NDUFAF2: variants seen among roughly 807,000 people sequenced by gnomAD.
NDUFAF2 encodes the protein NADH:ubiquinone oxidoreductase complex assembly factor 2, also known as NADH dehydrogenase [ubiquinone] 1 alpha subcomplex assembly factor 2.
A neutral mutation model predicts 22.8 loss-of-function variants in NDUFAF2; 13 were observed. That is an observed-to-expected ratio of 0.57 (90% CI 0.37 to 0.91). The LOEUF (loss-of-function observed/expected upper bound fraction) is 0.91. NDUFAF2 is among the 40% of genes least tolerant of loss of function. The pLI is 0.01. For missense variants in NDUFAF2, 162 were observed against 195.2 expected, an observed-to-expected ratio of 0.83 and a Z score of 1.01; for synonymous variants, 53 against 64.2, an observed-to-expected ratio of 0.83 and a Z score of 0.84.
At chr5:61,040,286 A>ACG (rs1323303366) in intron 1 of NDUFAF2, among the ~76,000 whole-genome samples, 314 of 93,068 alleles carry the variant, frequency 3.4e-3, no homozygotes, top group East Asian at 0.018. Context: ...ACACACACAC[A>ACG]CGCGCGCGCG....
intron 1 of NDUFAF2, among the ~76,000 whole-genome samples, chr5:61,019,620 C>T (rs1411766154): frequency 6.6e-6 from 1 of 151,948 alleles, no homozygotes; most frequent in Non-Finnish European, 1.5e-5. Flanking sequence ...AGCTAAAAAA[C>T]CCTCCTGCTA....
At chr5:60,994,512 C>T (rs542734824) in intron 1 of NDUFAF2, among the ~76,000 whole-genome samples, 2 of 152,342 alleles carry the variant, frequency 1.3e-5, no homozygotes, top group Non-Finnish European at 1.5e-5. Context: ...GGCCGTGCTT[C>T]CCTGCTGTGG....
chr5:60,949,884 G>A (rs1750520137), intron 1 of NDUFAF2, among the ~76,000 whole-genome samples: 1 of 152,014 alleles, frequency 6.6e-6, no homozygotes, highest in African/African-American at 2.4e-5. Context: ...CTAATTCTTT[G>A]TTACTATTAT....
chr5:61,068,418 G>A (rs1752256309), intron 1 of NDUFAF2, among the ~76,000 whole-genome samples: 1 of 151,990 alleles, frequency 6.6e-6, no homozygotes, highest in African/African-American at 2.4e-5. Flanking sequence ...TCCTTTTTAA[G>A]TTATGCAACA....
Position 60,968,926 on chromosome 5 carries a change from A to C in NDUFAF2, c.127+23544A>C, listed in dbSNP as rs187019220. 1.6e-3 allele frequency among the ~76,000 whole-genome samples: 236 copies of C among 151,942 alleles called. 1 individual carries two copies. Among genetic ancestry groups the C allele is most frequent in the African/African-American group, 5.5e-3 (229 of 41,484 alleles). On this transcript the variant is annotated intron_variant, in intron 1 of 3. Transcript: ENST00000296597. ...CTATCTTCATGAATTCAGTTGTTTT[A>C]ATTTTTAGCTTCCACAAATAAGTGA...
rs35877702 is a variant in NDUFAF2 at position 61,020,993 on chromosome 5, C to CTTTTT, written c.128-52117_128-52113dup. 9.4e-5 allele frequency among the ~76,000 whole-genome samples: 11 copies of CTTTTT among 116,616 alleles called. No individual in the cohort carries two copies. In the East Asian group the frequency reaches 1.5e-3, roughly 16 times the overall value. The allele number at this position is 116,616 out of a possible 152,430, so 76.5% of individuals were successfully genotyped here. On this transcript the variant is annotated intron_variant, in intron 1 of 3. Transcript: ENST00000296597. ...ACAGGCATGAGCCACTGCGTCCAGC[C>CTTTTT]TTTTTTTTTTTTTTTTTTTGCTATT...
chr5:60,971,356 A>G (rs996441708), intron 1 of NDUFAF2, among the ~76,000 whole-genome samples: 7 of 148,674 alleles, frequency 4.7e-5, no homozygotes, highest in African/African-American at 1.5e-4. Context: ...GGCTGATCTC[A>G]GCTCACTGCA....
intron 1 of NDUFAF2, 165 bp downstream of exon 1, chr5:60,945,547 C>T: frequency 9.5e-7 from 1 of 1,054,924 alleles, no homozygotes. Context: ...TTCACTCTGG[C>T]ATCGGAGCCC....
chr5:61,146,162 A>G (rs1456386999), intron 3 of NDUFAF2: 1 of 152,232 alleles, frequency 6.6e-6, no homozygotes, highest in African/African-American at 2.4e-5. Context: ...CTCCTGAACC[A>G]GGTTCACAAA....
intron 1 of NDUFAF2, among the ~76,000 whole-genome samples, chr5:60,957,062 GGGT>G (rs1385191705): frequency 2.0e-5 from 3 of 152,020 alleles, no homozygotes; most frequent in Non-Finnish European, 4.4e-5. Context: ...TATAACTGAA[GGGT>G]GTTTTATACC....
At chr5:61,128,450 G>C (rs1753065405) in intron 3 of NDUFAF2, among the ~76,000 whole-genome samples, 1 of 152,056 alleles carries the variant, frequency 6.6e-6, no homozygotes, top group Admixed American at 6.6e-5. Context: ...CCAAAACAGA[G>C]ATATAGACCA....
intron 1 of NDUFAF2, among the ~76,000 whole-genome samples, chr5:60,986,453 G>A (rs1244921790): frequency 6.6e-6 from 1 of 152,122 alleles, no homozygotes; most frequent in Admixed American, 6.6e-5. Flanking sequence ...TAGAATCTCT[G>A]GGGCACAGAT....
At chr5:61,045,017 A>T (rs1751929233) in intron 1 of NDUFAF2, among the ~76,000 whole-genome samples, 1 of 148,364 alleles carries the variant, frequency 6.7e-6, no homozygotes, top group Admixed American at 6.7e-5. Flanking sequence ...AAATTGTATT[A>T]AATTTATTAA....
At chr5:61,069,044 A>C (rs943576347) in intron 1 of NDUFAF2, among the ~76,000 whole-genome samples, 1 of 152,042 alleles carries the variant, frequency 6.6e-6, no homozygotes, top group African/African-American at 2.4e-5. Context: ...ATAGCATTGT[A>C]TAGCTTAAAT....
chr5:61,000,510 A>G (rs1751282564), intron 1 of NDUFAF2, among the ~76,000 whole-genome samples: 1 of 152,188 alleles, frequency 6.6e-6, no homozygotes, highest in Non-Finnish European at 1.5e-5. Context: ...TATGTTTGTT[A>G]AGAAAGTATA....
chr5:61,143,367 G>A (rs923019746), intron 3 of NDUFAF2, among the ~76,000 whole-genome samples: 1 of 151,916 alleles, frequency 6.6e-6, no homozygotes, highest in South Asian at 2.1e-4. Context: ...TTATTCACTA[G>A]TATATATGGT....
At chr5:61,006,240 T>G (rs992669607) in intron 1 of NDUFAF2, among the ~76,000 whole-genome samples, 1 of 152,172 alleles carries the variant, frequency 6.6e-6, no homozygotes, top group Non-Finnish European at 1.5e-5. Context: ...TTGTCAAAGA[T>G]CAGATGGTTG....
At chr5:61,140,691 T>G (rs1741039665) in intron 3 of NDUFAF2, among the ~76,000 whole-genome samples, 1 of 152,248 alleles carries the variant, frequency 6.6e-6, no homozygotes, top group Non-Finnish European at 1.5e-5. Context: ...ACCATCACTT[T>G]CAGGGTGAAA....
chr5:61,088,932 G>A (rs1001342014), intron 2 of NDUFAF2, among the ~76,000 whole-genome samples: 101 of 152,058 alleles, frequency 6.6e-4, no homozygotes, highest in African/African-American at 2.2e-3. Context: ...TAACCTTTCC[G>A]TAATTTTGGT....
Sources: allele counts gnomAD v4.1 joint callset (sites outside exome capture counted in the v4.1 genomes callset), GRCh38; gene constraint gnomAD v4.1.1; transcripts MANE v1.5; gene names NCBI Gene and HGNC (gene_info 2026-07-23, HGNC 2026-07-21).